The following AP3D1 variants were observed in gnomAD, a reference collection of about 807,000 sequenced individuals.
AP3D1 encodes AP-3 complex subunit delta-1.
AP3D1 carries 51 observed loss-of-function variants against 147.6 expected under a neutral mutation model. The observed-to-expected ratio is 0.35, with a 90% CI of 0.28 to 0.44. The LOEUF (loss-of-function observed/expected upper bound fraction) is 0.44. Among genes scored for constraint, AP3D1 ranks in the 20% least tolerant of loss-of-function variants. The pLI is 1.00. For missense variants in AP3D1, 1,421 were observed against 1,624.2 expected (o/e 0.87, Z 2.15); for synonymous variants, 760 against 663.0 (o/e 1.15, Z -2.25).
chr19:2,153,482 C>G (rs558133704), upstream of AP3D1, among the ~76,000 whole-genome samples: 8 of 152,084 alleles, frequency 5.3e-5, no homozygotes, highest in African/African-American at 1.9e-4. Context: ...TTGAGACCAG[C>G]GTGGCCAACA....
Position 2,115,184 on chromosome 19 carries a change from G to C in AP3D1, c.2349+35C>G, listed in dbSNP as rs372909198. 6.1e-4 allele frequency: 973 copies of C among 1,589,782 alleles called. 15 individuals carry two copies. In the South Asian group the frequency reaches 0.01, roughly 17 times the overall value. ...CAGGACACACACATGCGGAAAGATA[G>C]ACATCCTAGGACCGGGACCTCCAGC... On this transcript the variant is annotated intron_variant, in intron 20 of 31. Coordinates refer to ENST00000643116, the MANE Select transcript of AP3D1 (RefSeq NM_001261826.3).
Position 2,115,603 on chromosome 19 carries a change from T to C in AP3D1, c.2084A>G (p.Asp695Gly). Residue 695 changes from aspartate (D) to glycine (G), a missense_variant, in exon 19 of 32, where the codon GAC becomes GGC. Physicochemically the swap from Asp to Gly is moderately conservative, Grantham distance 94 (BLOSUM62 -1). Transcript: ENST00000643116. ...GGGAATGTGCTCCACGCCCGGGGTGTCCTGGTACCGCTGCAAAGGCAACAC... is the reference window on the plus strand; with the variant it reads ...GGGAATGTGCTCCACGCCCGGGGTGCCCTGGTACCGCTGCAAAGGCAACAC... The part of the protein sequence containing the change: ...SSPSPQKRYQ[D>G]TPGVEHIPVV... The C allele has an allele frequency of 3.7e-6, 6 of 1,612,270 alleles. No individual in the cohort carries two copies. The highest frequency in any genetic ancestry group is 5.1e-6 in the Non-Finnish European group (6 of 1,179,336).
chr19:2,121,538 C>T (rs990970840), intron 12 of AP3D1, among the ~76,000 whole-genome samples, 196 bp downstream of exon 12: 2 of 152,198 alleles, frequency 1.3e-5, no homozygotes, highest in Non-Finnish European at 2.9e-5. Flanking sequence ...TCTGCAGGCT[C>T]GGCCCCGCCC....
At chr19:2,113,835 G>T (rs2018356890) in intron 22 of AP3D1, among the ~76,000 whole-genome samples, 1 of 152,200 alleles carries the variant, frequency 6.6e-6, no homozygotes, top group Non-Finnish European at 1.5e-5. Context: ...TGCACGTGAG[G>T]GTGGCATCTG....
chr19:2,103,340 A>G (rs2018012523), intron 31 of AP3D1, among the ~76,000 whole-genome samples: 1 of 152,198 alleles, frequency 6.6e-6, no homozygotes, highest in Non-Finnish European at 1.5e-5. Flanking sequence ...TGAGGCAGCC[A>G]GAGGCAGCCG....
chr19:2,123,271 G>A (rs1222804893), intron 11 of AP3D1, 87 bp downstream of exon 11: 8 of 1,345,682 alleles, frequency 5.9e-6, no homozygotes, highest in Non-Finnish European at 8.4e-6. Flanking sequence ...CAGATGCCGT[G>A]TCCACTTCCT....
rs538784332 is a variant in AP3D1 at position 2,163,674 on chromosome 19, G to A, written c.-103+682C>T. Among the ~76,000 whole-genome samples, 11 of 152,048 alleles carry A rather than the reference G, an allele frequency of 7.2e-5. No homozygotes were observed. In the East Asian group the frequency reaches 1.3e-3, roughly 19 times the overall value. ...GGGACGGGATTCGAACCCGCTATCC[G>A]ACGGGCCCGCCCACAGGGTCTCCCC... On this transcript the variant is annotated intron_variant, in intron 1 of 14. Transcript: ENST00000643010.
chr19:2,106,080 G>A (rs542251131), intron 31 of AP3D1, among the ~76,000 whole-genome samples: 9 of 152,036 alleles, frequency 5.9e-5, no homozygotes, highest in African/African-American at 9.6e-5. Context: ...GCGACAGAGC[G>A]AGACTCCATC....
rs1216078768 is a variant in AP3D1 at position 2,120,854 on chromosome 19, C to G, written c.1481+8G>C. ...AGCTGCCAGCCCAGAGGCCCAGCGC[C>G]CACTCACTCTGAGAACTCCCCGCAG... On this transcript the variant is annotated splice_region_variant and intron_variant, in intron 14 of 31. Transcript: ENST00000643116. The G allele has an allele frequency of 3.7e-6, 6 of 1,603,794 alleles. No homozygotes were observed. Among genetic ancestry groups the G allele is most frequent in the African/African-American group, 2.7e-5 (2 of 74,854 alleles).
At position 2,114,662 on chromosome 19, in the gene AP3D1, C is replaced by T. The variant is rs1331750314; in HGVS notation, c.2423+86G>A. 3.2e-6 allele frequency: 3 copies of T among 951,108 alleles called. No individual in the cohort carries two copies. In the African/African-American group the frequency reaches 5.0e-5, roughly 16 times the overall value. The allele number at this position is 951,108 out of a possible 1,614,324, so 58.9% of individuals were successfully genotyped here. A position where few individuals can be genotyped will look rare whatever the true frequency, so the allele number is the denominator to read the frequency against. ...ACCCCAGCCTGCCCACCCTGCAGAG[C>T]CCGGCCCCACCCGGAAGGGAGGACG... On this transcript the variant is annotated intron_variant, in intron 21 of 31. Coordinates refer to ENST00000643116, the MANE Select transcript of AP3D1 (RefSeq NM_001261826.3).
intron 29 of AP3D1, 48 bp downstream of exon 29, chr19:2,109,825 G>A (rs2018216234): frequency 6.4e-7 from 1 of 1,562,778 alleles, no homozygotes; most frequent in Non-Finnish European, 8.8e-7. Context: ...AAGGTAGAGG[G>A]GAGGCGGAGG....
chr19:2,149,666 T>G (rs1225100964), intron 1 of AP3D1, among the ~76,000 whole-genome samples: 3 of 151,884 alleles, frequency 2.0e-5, no homozygotes, highest in Non-Finnish European at 4.4e-5. Flanking sequence ...GGCTTCCCAG[T>G]GAAGACAGGC....
intron 3 of AP3D1, 102 bp downstream of exon 3, chr19:2,137,625 G>C (rs1416856844): frequency 9.8e-7 from 1 of 1,021,080 alleles, no homozygotes; most frequent in African/African-American, 1.6e-5. Context: ...AACAGAGCTA[G>C]ACTCTGTCTC....
Position 2,116,897 on chromosome 19 carries a change from A to T in AP3D1, c.1860-151T>A, listed in dbSNP as rs533862082. 7.4e-5 allele frequency: 82 copies of T among 1,101,178 alleles called. 1 individual carries two copies. In the South Asian group the frequency reaches 1.3e-3, roughly 17 times the overall value. The allele number at this position is 1,101,178 out of a possible 1,614,324, so 68.2% of individuals were successfully genotyped here. On this transcript the variant is annotated intron_variant, in intron 16 of 31. Transcript: ENST00000643116. ...ACACAGGGCCAGCGAGGCAGGTGTC[A>T]CTGCCCCTTAAGAGGACGCAGGGAC...
chr19:2,141,373 C>T (rs1296223226), intron 1 of AP3D1, among the ~76,000 whole-genome samples: 1 of 151,554 alleles, frequency 6.6e-6, no homozygotes, highest in Non-Finnish European at 1.5e-5. Flanking sequence ...TACACTAAGT[C>T]CTCAGGACTG....
chr19:2,115,517 C>T (rs374556287), intron 19 of AP3D1, 21 bp downstream of exon 19: 66 of 1,611,866 alleles, frequency 4.1e-5, no homozygotes, highest in African/African-American at 3.7e-4. Flanking sequence ...AATGCGGCGC[C>T]GACACACCGG....
intron 1 of AP3D1, chr19:2,164,240 T>C: frequency 7.8e-7 from 1 of 1,275,922 alleles, no homozygotes; most frequent in Non-Finnish European, 9.9e-7. Flanking sequence ...GAGCCCGCCG[T>C]CTACCCGTGG....
rs72983431 is a variant in AP3D1, at chr19:2,115,690, G to A, written c.2074-77C>T. 12,128 of 1,459,568 alleles carry A rather than the reference G, an allele frequency of 8.3e-3. 77 individuals are homozygous for A. Among genetic ancestry groups the A allele is most frequent in the Middle Eastern group, 0.02 (94 of 4,764 alleles). 90.4% of individuals were successfully genotyped at this position (1,459,568 alleles called of 1,614,324 possible). ...GCAAGACAAGCCTCGGGGATGCAGG[G>A]AGCGTGACGCAGCCCCAACATCCTA... On this transcript the variant is annotated intron_variant, in intron 18 of 31. Transcript: ENST00000643116.
intron 1 of AP3D1, among the ~76,000 whole-genome samples, chr19:2,150,426 G>A (rs1021918938): frequency 6.6e-6 from 1 of 152,228 alleles, no homozygotes; most frequent in African/African-American, 2.4e-5. Flanking sequence ...GAAGGGAGGA[G>A]CGGGAAGGAA....
Sources: allele counts gnomAD v4.1 joint callset (sites outside exome capture counted in the v4.1 genomes callset), GRCh38; gene constraint gnomAD v4.1.1; transcripts MANE v1.5; gene names NCBI Gene and HGNC (gene_info 2026-07-23, HGNC 2026-07-21).